Variants in HIVEP3 observed in about 807,000 individuals in gnomAD.
HIVEP3 encodes HIVEP zinc finger 3.
In HIVEP3, 49 loss-of-function variants were observed where a neutral mutation model predicts 152.8. The ratio of observed to expected loss-of-function variants is 0.32; its 90% CI spans 0.26 to 0.41. The LOEUF (loss-of-function observed/expected upper bound fraction) is 0.41. Ranked by LOEUF, HIVEP3 falls within the 10% of genes least tolerant of loss-of-function variation. The pLI is 1.00. For synonymous variants in HIVEP3, 1,269 were observed against 1,289.0 expected (o/e 0.98, Z 0.33); for missense variants, 2,790 against 3,103.3 (o/e 0.90, Z 2.40).
chr1:41,616,584 T>C (rs1210132557), intron 3 of HIVEP3, among the ~76,000 whole-genome samples: 1 of 148,860 alleles, frequency 6.7e-6, no homozygotes, highest in Admixed American at 6.7e-5. Context: ...TTTTTTTTTT[T>C]CAAACAGGGT....
chr1:41,601,624 ATTAG>A (rs1328496156), intron 3 of HIVEP3, among the ~76,000 whole-genome samples: 1 of 152,116 alleles, frequency 6.6e-6, no homozygotes, highest in Admixed American at 6.5e-5. Context: ...AAATTTGTTA[ATTAG>A]TTCTAATACT....
intron 5 of HIVEP3, among the ~76,000 whole-genome samples, chr1:41,526,018 G>A (rs935321138): frequency 3.9e-5 from 6 of 151,942 alleles, no homozygotes; most frequent in Non-Finnish European, 5.9e-5. Flanking sequence ...TACTCACGCC[G>A]CACCACCTGC....
chr1:42,021,967 G>A (rs190996851), intron 1 of HIVEP3, among the ~76,000 whole-genome samples: 2 of 152,264 alleles, frequency 1.3e-5, no homozygotes, highest in African/African-American at 4.8e-5. Flanking sequence ...CCATCTGTCC[G>A]CTATGCTCTC....
intron 5 of HIVEP3, among the ~76,000 whole-genome samples, chr1:41,566,721 G>A (rs1286938375): frequency 1.3e-5 from 2 of 152,056 alleles, no homozygotes; most frequent in African/African-American, 2.4e-5. Flanking sequence ...TGTCCTCACC[G>A]GGCTGAGCCT....
At position 41,510,310 on chromosome 1, in the gene HIVEP3, G is replaced by A; in HGVS notation, c.*141C>T. ...AAGGCACAGGTAACTGCATACATGG[G>A]AAGGTACAACAGATGGGGCCGTGAG... is the stretch of plus-strand genomic sequence containing the variant. On this transcript the variant is annotated 3_prime_UTR_variant, in exon 9 of 9. Coordinates refer to ENST00000372583, the MANE Select transcript of HIVEP3 (RefSeq NM_024503.5). 1 of 582,222 alleles carries A rather than the reference G, an allele frequency of 1.7e-6. No homozygotes were observed. The highest frequency in any genetic ancestry group is 2.7e-6 in the Non-Finnish European group (1 of 371,622). 36.1% of individuals were successfully genotyped at this position (582,222 alleles called of 1,614,324 possible). A position where few individuals can be genotyped will look rare whatever the true frequency, so the allele number is the denominator to read the frequency against.
chr1:41,656,866 G>A (rs897044113), intron 2 of HIVEP3, among the ~76,000 whole-genome samples: 1 of 152,158 alleles, frequency 6.6e-6, no homozygotes, highest in African/African-American at 2.4e-5. Flanking sequence ...TCTCCTGCCC[G>A]ACCACTCCAT....
chr1:41,817,809 A>G (rs2124337450), intron 1 of HIVEP3, among the ~76,000 whole-genome samples: 1 of 152,290 alleles, frequency 6.6e-6, no homozygotes, highest in Non-Finnish European at 1.5e-5. Flanking sequence ...CAATTTCTGG[A>G]GATGCACTAC....
chr1:41,594,133 C>G (rs1354659176), intron 3 of HIVEP3, among the ~76,000 whole-genome samples: 3 of 152,232 alleles, frequency 2.0e-5, no homozygotes, highest in Admixed American at 1.3e-4. Context: ...TAATGGGCAA[C>G]ATATTCAGTT....
rs1643662437 is a variant in HIVEP3 at position 41,544,846 on chromosome 1, C to CCAT, written c.5208-19937_5208-19936insATG. On this transcript the variant is annotated intron_variant, in intron 5 of 8. Transcript: ENST00000372583. Reference sequence around the variant, plus strand: ...ACCACCACCATCACCACCACCACTACCACCACCACCACCACCACCACCACC... The same window carrying CCAT: ...ACCACCACCATCACCACCACCACTACCATCACCACCACCACCACCACCACCACC... Among the ~76,000 whole-genome samples the CCAT allele has an allele frequency of 2.1e-4, 7 of 33,966 alleles. 1 individual carries two copies. The highest frequency in any genetic ancestry group is 8.8e-4 in the South Asian group (1 of 1,140). 22.3% of individuals were successfully genotyped at this position (33,966 alleles called of 152,430 possible).
Position 41,873,088 on chromosome 1 carries a change from G to A in HIVEP3, c.-801+45325C>T, listed in dbSNP as rs1008050907. Among the ~76,000 whole-genome samples the A allele has an allele frequency of 1.3e-5, 2 of 152,232 alleles. No individual in the cohort carries two copies. Among genetic ancestry groups the A allele is most frequent in the African/African-American group, 4.8e-5 (2 of 41,454 alleles). On this transcript the variant is annotated intron_variant, in intron 1 of 8. Coordinates refer to ENST00000372583, the MANE Select transcript of HIVEP3 (RefSeq NM_024503.5). The surrounding 1 kb of genome is among the most constrained non-coding windows in gnomAD (Gnocchi z 4.2). ...TGTAGTGCATCTGAAAGCACATGGG[G>A]GCTGCTTTGCTGAAGGGGCTGGCAG...
intron 2 of HIVEP3, among the ~76,000 whole-genome samples, chr1:41,643,719 C>T (rs992709937): frequency 3.8e-4 from 58 of 152,138 alleles, no homozygotes; most frequent in African/African-American, 1.3e-3. Flanking sequence ...AGCTACATGG[C>T]CTAGGAACCT....
At chr1:41,632,412 G>A (rs1240458293) in intron 2 of HIVEP3, among the ~76,000 whole-genome samples, 2 of 152,272 alleles carry the variant, frequency 1.3e-5, no homozygotes, top group South Asian at 2.1e-4. Context: ...AGAGAAAAAA[G>A]AAAGAGGATA....
At chr1:41,922,689 T>A (rs1396286937), upstream of HIVEP3, among the ~76,000 whole-genome samples, 1 of 152,130 alleles carries the variant, frequency 6.6e-6, no homozygotes, top group Non-Finnish European at 1.5e-5. Context: ...TGAATTCACA[T>A]CTATATCTAT....
intron 1 of HIVEP3, among the ~76,000 whole-genome samples, chr1:41,759,547 G>A (rs1001420984): frequency 3.3e-5 from 5 of 152,106 alleles, no homozygotes; most frequent in Non-Finnish European, 5.9e-5. Flanking sequence ...AAATCTTTGG[G>A]GTATAGACCT....
At chr1:41,915,378 T>C (rs1176994764) in intron 1 of HIVEP3, among the ~76,000 whole-genome samples, 1 of 152,212 alleles carries the variant, frequency 6.6e-6, no homozygotes. Context: ...AATTTTTTTT[T>C]AGTTTTTCTG....
At chr1:41,839,546 T>C (rs1429080236) in intron 1 of HIVEP3, among the ~76,000 whole-genome samples, 1 of 152,184 alleles carries the variant, frequency 6.6e-6, no homozygotes, top group Admixed American at 6.5e-5. Flanking sequence ...GCACCTCCTT[T>C]CTAAGTTGCC....
In HIVEP3 at chr1:41,584,569, G is replaced by C. The variant is rs751378073; in HGVS notation, c.229C>G (p.Gln77Glu). The change falls in exon 4 of 9, where the codon CAG becomes GAG. Residue 77 changes from glutamine (Q) to glutamate (E), a missense_variant. Coordinates refer to ENST00000372583, the MANE Select transcript of HIVEP3 (RefSeq NM_024503.5). This position sits in a 1 kb window ranked among gnomAD's most constrained non-coding sequence, Gnocchi z 5.2. ...REGSQEKTGQ[Q>E]QKPPKRPPIE... ...GGGGGCCTTTTGGGGGGCTTCTGCT[G>C]CTGGCCCGTTTTCTCCTGAGAGCCT... 2 of 1,614,150 alleles carry C rather than the reference G, an allele frequency of 1.2e-6. No individual in the cohort carries two copies. Among genetic ancestry groups the C allele is most frequent in the Admixed American group, 1.7e-5 (1 of 60,018 alleles).
chr1:41,787,952 G>C (rs1208423126), intron 1 of HIVEP3, among the ~76,000 whole-genome samples: 1 of 152,160 alleles, frequency 6.6e-6, no homozygotes, highest in East Asian at 1.9e-4. Context: ...TGGGTTCTGA[G>C]CCCCTGGGGA....
In HIVEP3 at chr1:41,580,829, A is replaced by T. The variant is rs559852519; in HGVS notation, c.3969T>A (p.Val1323=). ...TMVSLVVPVR[V]QTNMPSYGSA... ...TCCCATAGGACGGCATATTGGTCTG[A>T]ACACGGACAGGCACAACCAGGGACA... Residue 1323 remains valine, a synonymous_variant, in exon 4 of 9, where the codon GTT becomes GTA. Coordinates refer to ENST00000372583, the MANE Select transcript of HIVEP3 (RefSeq NM_024503.5). 5.0e-6 allele frequency: 8 copies of T among 1,588,804 alleles called. No homozygotes were observed. In the South Asian group the frequency reaches 9.4e-5, roughly 19 times the overall value.
Sources: allele counts gnomAD v4.1 joint callset (sites outside exome capture counted in the v4.1 genomes callset), GRCh38; gene constraint gnomAD v4.1.1; non-coding constraint Gnocchi (gnomAD v3.1); transcripts MANE v1.5; gene names NCBI Gene and HGNC (gene_info 2026-07-23, HGNC 2026-07-21).